The following CRACD variants were observed in gnomAD, a reference collection of about 807,000 sequenced individuals.
The protein encoded by CRACD is capping protein-inhibiting regulator of actin dynamics.
Under a neutral mutation model 106.8 loss-of-function variants are expected in CRACD, and 56 were observed. The observed-to-expected ratio is 0.52, with a 90% CI of 0.42 to 0.66. CRACD has a LOEUF of 0.66. Among genes scored for constraint, CRACD ranks in the 30% least tolerant of loss-of-function variants. The pLI is 0.00. For missense variants in CRACD, 1,730 were observed against 1,623.2 expected, an observed-to-expected ratio of 1.07 and a Z score of -1.13; for synonymous variants, 754 against 670.8, an observed-to-expected ratio of 1.12 and a Z score of -1.92.
intron 2 of CRACD, among the ~76,000 whole-genome samples, chr4:56,233,941 A>G (rs559341726): frequency 1.3e-5 from 2 of 152,206 alleles, no homozygotes; most frequent in East Asian, 1.9e-4. Context: ...AGTATGTTCT[A>G]TTTTACAAAT....
At position 56,316,161 on chromosome 4, in the gene CRACD, G is replaced by A. The variant is rs769553451; in HGVS notation, c.2659G>A (p.Gly887Arg). The change falls in exon 8 of 11, where the codon GGG (glycine) becomes AGG (arginine). Residue 887 changes from glycine (G) to arginine (R), a missense_variant. Coordinates refer to ENST00000682029, the MANE Select transcript of CRACD (RefSeq NM_001393381.1). ...CGCGGATGCAGGGCCGCCTGCAGCG[G>A]GGAGCGCTCGTGGAGAGAAAGAGAT... ...DSADAGPPAAGSARGEKEMEG... is the reference protein window; with the variant it reads ...DSADAGPPAARSARGEKEMEG... 3 of 1,614,180 alleles carry A rather than the reference G, an allele frequency of 1.9e-6. No individual in the cohort carries two copies. Among genetic ancestry groups the A allele is most frequent in the African/African-American group, 2.7e-5 (2 of 75,080 alleles).
intron 2 of CRACD, among the ~76,000 whole-genome samples, chr4:56,232,556 AC>A (rs1739686183): frequency 6.6e-6 from 1 of 152,120 alleles, no homozygotes; most frequent in South Asian, 2.1e-4. Flanking sequence ...TTAAGCAATT[AC>A]CCAAGTGTTT....
intron 3 of CRACD, among the ~76,000 whole-genome samples, chr4:56,282,355 A>G (rs1225195539): frequency 6.6e-6 from 1 of 152,246 alleles, no homozygotes; most frequent in Non-Finnish European, 1.5e-5. Flanking sequence ...GTGCAGCTGC[A>G]GAAAGCCTTC....
chr4:56,123,950 T>TTG (rs1734575138), intron 1 of CRACD, among the ~76,000 whole-genome samples: 1 of 151,856 alleles, frequency 6.6e-6, no homozygotes, highest in African/African-American at 2.4e-5. Flanking sequence ...TAAAATCATT[T>TTG]TTTTTTATAC....
At chr4:56,307,778 C>A in intron 5 of CRACD, 79 bp downstream of exon 5, 1 of 1,442,968 alleles carries the variant, frequency 6.9e-7, no homozygotes, top group Non-Finnish European at 9.6e-7. Context: ...CTGGGGTCTG[C>A]AGCAGGGGAA....
intron 2 of CRACD, among the ~76,000 whole-genome samples, chr4:56,267,922 C>T (rs754561028): frequency 5.3e-5 from 8 of 152,166 alleles, no homozygotes; most frequent in Non-Finnish European, 8.8e-5. Context: ...CTGCCAAAAC[C>T]CTCCCAGTTC....
At position 56,315,890 on chromosome 4, in the gene CRACD, G is replaced by A; in HGVS notation, c.2388G>A (p.Pro796=). 6.2e-7 allele frequency: 1 copy of A among 1,614,156 alleles called. No homozygotes were observed. The highest frequency in any genetic ancestry group is 2.2e-5 in the East Asian group (1 of 44,864). The change falls in exon 8 of 11, where the codon CCG becomes CCA. Residue 796 remains proline, a synonymous_variant. Coordinates refer to ENST00000682029, the MANE Select transcript of CRACD (RefSeq NM_001393381.1). This position sits in a 1 kb window ranked among gnomAD's most constrained non-coding sequence, Gnocchi z 4.1. The part of the protein sequence containing the change: ...TEGCKFAKDL[P]SFLVPSLPYP... ...GATGCAAATTTGCCAAAGACCTCCC[G>A]TCTTTCCTTGTCCCAAGCCTTCCTT...
intron 1 of CRACD, among the ~76,000 whole-genome samples, chr4:56,088,595 G>T (rs1359458907): frequency 3.3e-5 from 5 of 152,176 alleles, no homozygotes; most frequent in Admixed American, 3.3e-4. Context: ...AAAGACCTCA[G>T]TTGAAGTATT....
chr4:56,109,168 C>G (rs1433125731), intron 1 of CRACD, among the ~76,000 whole-genome samples: 2 of 152,204 alleles, frequency 1.3e-5, no homozygotes, highest in Admixed American at 1.3e-4. Flanking sequence ...CCTTCTAGGT[C>G]ACTTCTCACA....
chr4:56,190,949 C>T (rs1737342903), intron 2 of CRACD, among the ~76,000 whole-genome samples: 3 of 152,132 alleles, frequency 2.0e-5, no homozygotes, highest in African/African-American at 7.2e-5. Context: ...GCAATCACCT[C>T]CTACCAGATC....
chr4:56,161,555 G>A (rs891893141), intron 1 of CRACD, among the ~76,000 whole-genome samples: 15 of 151,774 alleles, frequency 9.9e-5, no homozygotes, highest in Admixed American at 2.0e-4. Flanking sequence ...GGGCTCAAGC[G>A]ATTCTGCTGC....
At chr4:56,270,694 A>G (rs956169178) in intron 2 of CRACD, among the ~76,000 whole-genome samples, 6 of 152,094 alleles carry the variant, frequency 3.9e-5, no homozygotes, top group South Asian at 2.1e-4. Context: ...TAAAATGGGC[A>G]TGTTAATAGT....
At chr4:56,217,067 G>A (rs137945071) in intron 2 of CRACD, among the ~76,000 whole-genome samples, 146 of 149,088 alleles carry the variant, frequency 9.8e-4, no homozygotes, top group Non-Finnish European at 1.9e-3. Context: ...GAATATTTTT[G>A]ATTAACATTC....
chr4:56,095,627 G>A (rs1325176729), intron 1 of CRACD, among the ~76,000 whole-genome samples: 1 of 152,138 alleles, frequency 6.6e-6, no homozygotes, highest in Non-Finnish European at 1.5e-5. Flanking sequence ...GTGTGGCCAG[G>A]GCAGAGTAAG....
intron 1 of CRACD, among the ~76,000 whole-genome samples, chr4:56,092,274 C>T (rs1263166188): frequency 6.6e-6 from 1 of 152,178 alleles, no homozygotes; most frequent in Admixed American, 6.6e-5. Flanking sequence ...GAATGTGCTT[C>T]TCTTTTCTAC....
intron 2 of CRACD, among the ~76,000 whole-genome samples, chr4:56,234,361 A>C (rs549198124): frequency 1.3e-5 from 2 of 152,218 alleles, no homozygotes; most frequent in East Asian, 3.8e-4. Flanking sequence ...TTCACATAGC[A>C]TAATGTGAAG....
At chr4:56,210,854 G>A (rs902357864) in intron 2 of CRACD, among the ~76,000 whole-genome samples, 1 of 152,138 alleles carries the variant, frequency 6.6e-6, no homozygotes, top group Non-Finnish European at 1.5e-5. Context: ...AAGGAACAGA[G>A]CAAAGGAAGA....
chr4:56,293,956 G>A (rs553055642), intron 3 of CRACD, among the ~76,000 whole-genome samples: 27 of 151,592 alleles, frequency 1.8e-4, no homozygotes, highest in African/African-American at 6.5e-4. Flanking sequence ...TTCAGGTGTG[G>A]TGGCTTATGC....
intron 2 of CRACD, among the ~76,000 whole-genome samples, chr4:56,253,674 AG>A (rs1741175216): frequency 6.6e-6 from 1 of 152,236 alleles, no homozygotes; most frequent in Non-Finnish European, 1.5e-5. Context: ...AGTTTCCCAA[AG>A]GGGCTGCATT....
Sources: gnomAD v4.1 joint callset for allele counts (sites outside exome capture counted in the v4.1 genomes callset) on GRCh38, gnomAD v4.1.1 for gene constraint, Gnocchi (gnomAD v3.1) non-coding constraint, MANE v1.5 for transcripts, NCBI Gene and HGNC (gene_info 2026-07-23, HGNC 2026-07-21) for gene names.